The following RNGTT variants were observed in gnomAD, a reference collection of about 807,000 sequenced individuals.
The protein encoded by RNGTT is RNA guanylyltransferase and 5'-phosphatase.
In RNGTT, 33 loss-of-function variants were observed where a neutral mutation model predicts 79.3. The observed-to-expected ratio is 0.42, with a 90% CI of 0.32 to 0.56. RNGTT has a LOEUF of 0.56. Ranked by LOEUF, RNGTT falls within the 20% of genes least tolerant of loss-of-function variation. The pLI, the probability that RNGTT is intolerant of heterozygous loss-of-function variation, is 0.17. For synonymous variants in RNGTT, 222 were observed against 235.9 expected, an observed-to-expected ratio of 0.94 and a Z score of 0.54; for missense variants, 497 against 739.1, an observed-to-expected ratio of 0.67 and a Z score of 3.80.
intron 6 of RNGTT, among the ~76,000 whole-genome samples, chr6:88,896,123 A>G (rs924773111): frequency 2.0e-5 from 3 of 152,048 alleles, no homozygotes; most frequent in African/African-American, 2.4e-5. Context: ...TGCTTTCCTA[A>G]TCTCTTTCAA....
At chr6:88,652,018 C>G (rs1173381487) in intron 14 of RNGTT, among the ~76,000 whole-genome samples, 1 of 152,018 alleles carries the variant, frequency 6.6e-6, no homozygotes, top group African/African-American at 2.4e-5. Context: ...AAACTTAAAT[C>G]TCAGCAAAAA....
intron 14 of RNGTT, among the ~76,000 whole-genome samples, chr6:88,655,455 T>TA (rs1773942568): frequency 6.6e-6 from 1 of 152,236 alleles, no homozygotes; most frequent in African/African-American, 2.4e-5. Flanking sequence ...ACATCACTCT[T>TA]ACGTTTCCTT....
chr6:88,636,762 T>G (rs1211467964), intron 14 of RNGTT, among the ~76,000 whole-genome samples: 1 of 151,796 alleles, frequency 6.6e-6, no homozygotes, highest in Non-Finnish European at 1.5e-5. Context: ...CCTCCAATCC[T>G]GAGTTCCTTT....
intron 12 of RNGTT, among the ~76,000 whole-genome samples, chr6:88,775,593 T>C: frequency 6.6e-6 from 1 of 152,218 alleles, no homozygotes; most frequent in East Asian, 1.9e-4. Context: ...AATTTATATC[T>C]GTTTCAATTA....
chr6:88,798,476 A>G (rs564378797), intron 12 of RNGTT, among the ~76,000 whole-genome samples: 5 of 152,184 alleles, frequency 3.3e-5, no homozygotes, highest in East Asian at 1.9e-4. Flanking sequence ...AAAAAAAAAA[A>G]AGAGAGAAAA....
At chr6:88,806,254 C>T (rs1022494763) in intron 11 of RNGTT, among the ~76,000 whole-genome samples, 1 of 151,498 alleles carries the variant, frequency 6.6e-6, no homozygotes, top group Non-Finnish European at 1.5e-5. Context: ...TTATCAAAGA[C>T]TTTAAAAATA....
intron 14 of RNGTT, among the ~76,000 whole-genome samples, chr6:88,654,779 C>A (rs1415224536): frequency 6.6e-6 from 1 of 152,112 alleles, no homozygotes; most frequent in African/African-American, 2.4e-5. Flanking sequence ...GCAGTGTTTG[C>A]CAAACTGTGA....
intron 8 of RNGTT, among the ~76,000 whole-genome samples, chr6:88,866,937 T>G (rs1014143174): frequency 4.6e-5 from 7 of 152,212 alleles, no homozygotes; most frequent in Admixed American, 4.6e-4. Flanking sequence ...TCTCTAGCTT[T>G]GATATCCTCA....
At chr6:88,745,103 A>C (rs560022562) in intron 13 of RNGTT, among the ~76,000 whole-genome samples, 4 of 152,316 alleles carry the variant, frequency 2.6e-5, no homozygotes, top group African/African-American at 7.2e-5. Flanking sequence ...TTTGAGGAGA[A>C]ACAGAATATT....
intron 11 of RNGTT, among the ~76,000 whole-genome samples, chr6:88,814,605 AAGTG>A (rs1453711345): frequency 6.6e-6 from 1 of 152,208 alleles, no homozygotes; most frequent in Non-Finnish European, 1.5e-5. Context: ...CAAGAAATAT[AAGTG>A]AGTATTTGTT....
chr6:88,728,117 A>C (rs1220297144), intron 13 of RNGTT, among the ~76,000 whole-genome samples: 1 of 152,192 alleles, frequency 6.6e-6, no homozygotes, highest in Admixed American at 6.5e-5. Flanking sequence ...ACCCTACCAA[A>C]CTAAAGCTAA....
At chr6:88,919,605 C>T (rs2127949530) in intron 4 of RNGTT, among the ~76,000 whole-genome samples, 1 of 151,956 alleles carries the variant, frequency 6.6e-6, no homozygotes. Flanking sequence ...AGGCATGAGC[C>T]ACCACACCTG....
chr6:88,939,010 T>A (rs764526994), intron 2 of RNGTT, among the ~76,000 whole-genome samples: 1 of 152,020 alleles, frequency 6.6e-6, no homozygotes, highest in East Asian at 1.9e-4. Context: ...AGCTCTCTTA[T>A]AAATGACTAG....
At chr6:88,782,763 C>G (rs1158100926) in intron 12 of RNGTT, among the ~76,000 whole-genome samples, 1 of 151,932 alleles carries the variant, frequency 6.6e-6, no homozygotes, top group Non-Finnish European at 1.5e-5. Context: ...AAATAAGAAA[C>G]GTAGATGGCC....
At chr6:88,677,024 T>C (rs535709106) in intron 14 of RNGTT, among the ~76,000 whole-genome samples, 5 of 152,210 alleles carry the variant, frequency 3.3e-5, no homozygotes, top group African/African-American at 9.6e-5. Context: ...GAAAGGATAA[T>C]CAAACAGTGC....
chr6:88,820,676 T>A (rs9362567), intron 11 of RNGTT, among the ~76,000 whole-genome samples: 22,984 of 152,122 alleles, frequency 0.15, 1,879 homozygotes, highest in Middle Eastern at 0.25. Context: ...ACCAGGTGAA[T>A]TTCAAAATTT....
chr6:88,911,680 A>C (rs1582121517), intron 4 of RNGTT, among the ~76,000 whole-genome samples: 2 of 152,186 alleles, frequency 1.3e-5, no homozygotes, highest in South Asian at 2.1e-4. Flanking sequence ...TTAAGAAAGA[A>C]AACAAAAATT....
At chr6:88,899,880 T>G (rs935894771) in intron 6 of RNGTT, among the ~76,000 whole-genome samples, 1 of 152,118 alleles carries the variant, frequency 6.6e-6, no homozygotes, top group Non-Finnish European at 1.5e-5. Flanking sequence ...GGAGTCCAAT[T>G]TAATTCCCCA....
chr6:88,846,318 T>G (rs560870120), intron 10 of RNGTT, among the ~76,000 whole-genome samples: 8 of 152,352 alleles, frequency 5.3e-5, no homozygotes, highest in Non-Finnish European at 1.2e-4. Flanking sequence ...TTCATATCAT[T>G]ACTATAATGA....
Sources: allele counts gnomAD v4.1 joint callset (sites outside exome capture counted in the v4.1 genomes callset), GRCh38; gene constraint gnomAD v4.1.1; transcripts MANE v1.5; gene names NCBI Gene and HGNC (gene_info 2026-07-23, HGNC 2026-07-21).